ZNF469: variants seen among roughly 807,000 people sequenced by gnomAD.
ZNF469 encodes zinc finger protein 469.
A neutral mutation model predicts 1.0 loss-of-function variants in ZNF469; 1 was observed. The ratio of observed to expected loss-of-function variants is 1.00; its 90% CI spans 0.35 to 4.73. The LOEUF (loss-of-function observed/expected upper bound fraction) is 4.73, where lower values mean the gene tolerates loss of function less well. Ranked by LOEUF, ZNF469 falls within the 30% of genes most tolerant of loss-of-function variation. The pLI is 0.16. For synonymous variants in ZNF469, 2,703 were observed against 2,363.4 expected (o/e 1.14, Z -4.17); for missense variants, 6,100 against 5,356.3 (o/e 1.14, Z -4.33).
the ZNF469 span, among the ~76,000 whole-genome samples, chr16:88,160,595 C>T: frequency 5.3e-5 from 8 of 152,326 alleles, no homozygotes; most frequent in Admixed American, 1.3e-4. Flanking sequence ...CTTTTCTCAA[C>T]TCTTTTCACA....
rs1017035604 is a variant in ZNF469 at position 88,439,671 on chromosome 16, C to T, written c.*339C>T. ...CTGTGGGCACCGACACCACAGAAGC[C>T]AATGTTTGGAGATTTGCACAACCTC... On this transcript the variant is annotated 3_prime_UTR_variant, in exon 3 of 3. Transcript: ENST00000565624. The T allele has an allele frequency of 2.1e-5, 7 of 331,468 alleles. No individual in the cohort carries two copies. Among genetic ancestry groups the T allele is most frequent in the African/African-American group, 1.1e-4 (5 of 47,262 alleles). The allele number at this position is 331,468 out of a possible 1,614,324, so 20.5% of individuals were successfully genotyped here. A position where few individuals can be genotyped will look rare whatever the true frequency, so the allele number is the denominator to read the frequency against.
the ZNF469 span, among the ~76,000 whole-genome samples, chr16:88,320,153 G>A: frequency 1.3e-5 from 2 of 152,266 alleles, no homozygotes; most frequent in Non-Finnish European, 1.5e-5. Context: ...CGTGGCAGAA[G>A]TTAAACAGGC....
intron 1 of ZNF469, among the ~76,000 whole-genome samples, chr16:88,404,365 C>T (rs954809601): frequency 2.6e-5 from 4 of 152,198 alleles, no homozygotes; most frequent in Admixed American, 6.5e-5. Flanking sequence ...TGGCCCTGGG[C>T]GGCGCCGGCG....
At chr16:88,361,978 G>A in the ZNF469 span, among the ~76,000 whole-genome samples, 2 of 152,198 alleles carry the variant, frequency 1.3e-5, no homozygotes, top group South Asian at 4.1e-4. Context: ...GTGTGTGTCT[G>A]TTCCTGAATT....
chr16:88,251,547 T>G, the ZNF469 span, among the ~76,000 whole-genome samples: 3 of 24,072 alleles, frequency 1.2e-4, no homozygotes, highest in Non-Finnish European at 2.8e-4. Context: ...TCTTTTTTTT[T>G]TTTTTTTTTT....
chr16:88,431,727 C>G lies in ZNF469; in HGVS notation c.4257C>G (p.Gly1419=). 1 of 1,550,196 alleles carries G rather than the reference C, an allele frequency of 6.5e-7. No individual in the cohort carries two copies. The highest frequency in any genetic ancestry group is 1.4e-5 in the African/African-American group (1 of 73,160). ...GCAGCTCCTGCCTTTGCCAGGACGGCGAGGATGCCGGTTCCCTCGAGCCAC... is the reference window on the plus strand; with the variant it reads ...GCAGCTCCTGCCTTTGCCAGGACGGGGAGGATGCCGGTTCCCTCGAGCCAC... The part of the protein sequence containing the change: ...PASSSCLCQD[G]EDAGSLEPQL... Residue 1419 remains glycine (G), a synonymous_variant, in exon 3 of 3, where the codon GGC becomes GGG. Coordinates refer to ENST00000565624, the MANE Select transcript of ZNF469 (RefSeq NM_001367624.2).
At chr16:88,112,993 T>C in the ZNF469 span, among the ~76,000 whole-genome samples, 1 of 152,040 alleles carries the variant, frequency 6.6e-6, no homozygotes, top group Non-Finnish European at 1.5e-5. Flanking sequence ...TTAGCCAGGA[T>C]GGTCTCGATC....
chr16:88,286,157 G>C, the ZNF469 span, among the ~76,000 whole-genome samples: 4 of 152,222 alleles, frequency 2.6e-5, no homozygotes, highest in African/African-American at 9.6e-5. Context: ...TGTGCATCCT[G>C]TCCTGCCTGG....
the ZNF469 span, among the ~76,000 whole-genome samples, chr16:88,233,649 C>T: frequency 1.0e-3 from 156 of 152,348 alleles, no homozygotes; most frequent in African/African-American, 3.6e-3. Context: ...GATCCCAAAA[C>T]CTCAGCCCCA....
chr16:88,347,932 G>A, the ZNF469 span, among the ~76,000 whole-genome samples: 8 of 152,246 alleles, frequency 5.3e-5, no homozygotes, highest in African/African-American at 1.9e-4. Context: ...TCTCAGACCA[G>A]GCAGGGCAGG....
chr16:88,110,843 G>A, the ZNF469 span, among the ~76,000 whole-genome samples: 2 of 152,398 alleles, frequency 1.3e-5, no homozygotes, highest in East Asian at 3.9e-4. Context: ...GTGCAGCTCA[G>A]CCGGGTGTAG....
chr16:88,244,830 G>A, the ZNF469 span, among the ~76,000 whole-genome samples: 1 of 148,132 alleles, frequency 6.8e-6, no homozygotes, highest in East Asian at 2.0e-4. Flanking sequence ...CAGTGGCATG[G>A]CTCAGAAAGT....
At chr16:88,101,719 C>G in the ZNF469 span, among the ~76,000 whole-genome samples, 1,947 of 152,266 alleles carry the variant, frequency 0.013, 27 homozygotes, top group Non-Finnish European at 0.019. Context: ...TCTCCTCAAT[C>G]CTTTCATTTG....
the ZNF469 span, among the ~76,000 whole-genome samples, chr16:88,154,099 G>A: frequency 1.3e-5 from 2 of 152,214 alleles, no homozygotes; most frequent in African/African-American, 4.8e-5. Context: ...ATCATGGTGT[G>A]TAATGGCACC....
At chr16:88,245,139 G>T in the ZNF469 span, among the ~76,000 whole-genome samples, 1 of 152,146 alleles carries the variant, frequency 6.6e-6, no homozygotes, top group East Asian at 1.9e-4. Flanking sequence ...AGGGAGGGGA[G>T]GAAAGAAGGG....
rs773405012 is a variant in ZNF469 at position 88,430,717 on chromosome 16, G to A, written c.3247G>A (p.Gly1083Arg). The change falls in exon 3 of 3, where the codon GGA becomes AGA. Residue 1083 changes from glycine (G) to arginine (R), a missense_variant. Physicochemically the swap from Gly to Arg is moderately radical, Grantham distance 125 (BLOSUM62 -2). Coordinates refer to ENST00000565624, the MANE Select transcript of ZNF469 (RefSeq NM_001367624.2). ...CCTGGCGGCGGGGAGGCCCCGGCCC[G>A]GAGCTGAGGACCGCAGGCTCCGCGA... ...GSLAAGRPRPGAEDRRLREYD... is the reference protein window; with the variant it reads ...GSLAAGRPRPRAEDRRLREYD... 587 of 1,485,196 alleles carry A rather than the reference G, an allele frequency of 4.0e-4. 5 individuals are homozygous for A. The highest frequency in any genetic ancestry group is 2.0e-4 in the Middle Eastern group (1 of 5,000). 92.0% of individuals were successfully genotyped at this position (1,485,196 alleles called of 1,614,324 possible). A position where few individuals can be genotyped will look rare whatever the true frequency, so the allele number is the denominator to read the frequency against.
At chr16:88,208,775 G>GCACACACA in the ZNF469 span, among the ~76,000 whole-genome samples, 95 of 47,378 alleles carry the variant, frequency 2.0e-3, no homozygotes, top group African/African-American at 6.7e-3. Context: ...ATGCGCGTGC[G>GCACACACA]CGCGCACACA....
intron 1 of ZNF469, among the ~76,000 whole-genome samples, chr16:88,397,585 A>G (rs1306839501): frequency 6.7e-6 from 1 of 149,386 alleles, no homozygotes; most frequent in African/African-American, 2.5e-5. Context: ...ATATGTATGT[A>G]GTATGTGTAT....
the ZNF469 span, among the ~76,000 whole-genome samples, chr16:88,174,472 GTCTGTCTA>G: frequency 5.3e-5 from 6 of 112,558 alleles, no homozygotes; most frequent in African/African-American, 2.3e-4. Flanking sequence ...TCGTCTGTCT[GTCTGTCTA>G]TCTATCTATC....
Sources: gnomAD v4.1 joint callset for allele counts (sites outside exome capture counted in the v4.1 genomes callset) on GRCh38, gnomAD v4.1.1 for gene constraint, MANE v1.5 for transcripts, NCBI Gene and HGNC (gene_info 2026-07-23, HGNC 2026-07-21) for gene names.